FMN1: variants seen among roughly 807,000 people sequenced by gnomAD.
FMN1 encodes formin-1.
A neutral mutation model predicts 132.4 loss-of-function variants in FMN1; 110 were observed. The ratio of observed to expected loss-of-function variants is 0.83; its 90% confidence interval spans 0.71 to 0.97. The LOEUF (loss-of-function observed/expected upper bound fraction) is 0.97. Among genes scored for constraint, FMN1 ranks in the 50% least tolerant of loss-of-function variants. The pLI, the probability that FMN1 is intolerant of heterozygous loss-of-function variation, is 0.00. For synonymous variants in FMN1, 722 were observed against 651.7 expected (o/e 1.11, Z -1.64); for missense variants, 1,792 against 1,705.3 (o/e 1.05, Z -0.90).
At chr15:33,091,001 ATG>A (rs1483962565) in intron 4 of FMN1, among the ~76,000 whole-genome samples, 3 of 152,194 alleles carry the variant, frequency 2.0e-5, no homozygotes, top group Non-Finnish European at 4.4e-5. Context: ...ATCTTCCAAG[ATG>A]TTTTGGTTAC....
intron 6 of FMN1, among the ~76,000 whole-genome samples, chr15:33,019,554 C>T (rs1351360917): frequency 2.6e-5 from 4 of 152,168 alleles, no homozygotes; most frequent in African/African-American, 9.7e-5. Context: ...CGGGGAGGCT[C>T]TGGCAGCGCA....
chr15:33,166,011 GATTTTAT>G (rs1363634115), intron 3 of FMN1, among the ~76,000 whole-genome samples: 17 of 152,094 alleles, frequency 1.1e-4, no homozygotes, highest in African/African-American at 3.9e-4. Flanking sequence ...TGTGTGTTTC[GATTTTAT>G]AAAATACTGG....
At chr15:33,061,607 A>G (rs1224836386) in intron 6 of FMN1, among the ~76,000 whole-genome samples, 5 of 151,842 alleles carry the variant, frequency 3.3e-5, no homozygotes, top group Non-Finnish European at 7.4e-5. Flanking sequence ...GTTTTTCTAG[A>G]AGAATGAATA....
chr15:33,154,788 A>G lies in FMN1; in HGVS notation c.127T>C (p.Ser43Pro). The G allele has an allele frequency of 5.2e-6, 8 of 1,536,052 alleles. No individual in the cohort carries two copies. The highest frequency in any genetic ancestry group is 7.0e-6 in the Non-Finnish European group (8 of 1,146,902). The change falls in exon 4 of 21, where the codon TCC becomes CCC. Residue 43 changes from serine (S) to proline (P), a missense_variant. Ser to Pro is a moderately conservative substitution (Grantham distance 74). This residue lies in a region of FMN1 where 638 missense variants were observed against 645.2 expected (regional missense o/e 0.99). Transcript: ENST00000616417. ...SYKGTVTLDR[S>P]NKGFHNCYQV... ...TAGCAGTTATGAAAACCTTTATTGGATCTGTCTAGAGTTACAGTGCCCTTG... is the reference window on the plus strand; with the variant it reads ...TAGCAGTTATGAAAACCTTTATTGGGTCTGTCTAGAGTTACAGTGCCCTTG...
chr15:32,801,153 T>A (rs1260847986), intron 18 of FMN1, among the ~76,000 whole-genome samples: 1 of 151,982 alleles, frequency 6.6e-6, no homozygotes. Context: ...ATGTCAAGAG[T>A]GATTTGGTGG....
intron 19 of FMN1, among the ~76,000 whole-genome samples, chr15:32,792,455 AAAAC>A (rs1348815732): frequency 2.6e-5 from 3 of 116,592 alleles, no homozygotes; most frequent in Non-Finnish European, 6.0e-5. Context: ...AAAACAAAAT[AAAAC>A]AAACAAACAA....
chr15:33,152,646 T>G (rs1307814900), intron 4 of FMN1, among the ~76,000 whole-genome samples: 4 of 152,040 alleles, frequency 2.6e-5, no homozygotes, highest in African/African-American at 9.7e-5. Flanking sequence ...TCCAGCAGCA[T>G]GAATGGCAGA....
At chr15:32,955,874 T>A (rs930500173) in intron 9 of FMN1, among the ~76,000 whole-genome samples, 8 of 152,134 alleles carry the variant, frequency 5.3e-5, no homozygotes, top group Non-Finnish European at 1.0e-4. Flanking sequence ...AATTCCAGAA[T>A]CAGTCCCAAA....
At chr15:33,013,342 G>A (rs544535651) in intron 6 of FMN1, among the ~76,000 whole-genome samples, 1 of 152,302 alleles carries the variant, frequency 6.6e-6, no homozygotes, top group African/African-American at 2.4e-5. Context: ...TGGTTTGTCT[G>A]CACCCATGCT....
At chr15:32,916,899 A>G (rs2060697883) in intron 10 of FMN1, among the ~76,000 whole-genome samples, 1 of 152,184 alleles carries the variant, frequency 6.6e-6, no homozygotes, top group South Asian at 2.1e-4. Flanking sequence ...GAGCAGGGAA[A>G]GAAATATAGA....
chr15:33,066,247 T>C (rs1205963287), intron 5 of FMN1, among the ~76,000 whole-genome samples: 1 of 152,224 alleles, frequency 6.6e-6, no homozygotes, highest in Admixed American at 6.5e-5. Flanking sequence ...CATCAACGTT[T>C]AAATTCACGG....
chr15:32,879,116 T>C (rs2059703252), intron 16 of FMN1, among the ~76,000 whole-genome samples: 1 of 152,234 alleles, frequency 6.6e-6, no homozygotes, highest in African/African-American at 2.4e-5. Context: ...AATTGAATGC[T>C]TTGCATCAAA....
intron 8 of FMN1, among the ~76,000 whole-genome samples, chr15:32,966,228 C>T (rs1435698341): frequency 2.0e-5 from 3 of 152,132 alleles, no homozygotes; most frequent in Non-Finnish European, 2.9e-5. Flanking sequence ...TTATAATTCA[C>T]TTATATTCTG....
chr15:33,145,547 C>T lies in FMN1; in HGVS notation c.1867+7501G>A, dbSNP rs999346745. ...TCCAGGCATGAATCCATGGGGCTGG[C>T]GCAACAGAAAATCTGGAGAACATAC... On this transcript the variant is annotated intron_variant, in intron 4 of 20. Transcript: ENST00000616417. Among the ~76,000 whole-genome samples, 8 of 151,602 alleles carry T rather than the reference C, an allele frequency of 5.3e-5. No homozygotes were observed. The South Asian group carries it at 1.0e-3, about 20-fold the overall frequency.
intron 17 of FMN1, among the ~76,000 whole-genome samples, chr15:32,851,659 A>G (rs7164743): frequency 0.076 from 11,530 of 152,302 alleles, 939 homozygotes; most frequent in African/African-American, 0.2. Flanking sequence ...TTCTCAGAAA[A>G]TGAAATTAAG....
intron 12 of FMN1, among the ~76,000 whole-genome samples, chr15:32,906,562 G>C (rs1352067069): frequency 6.6e-6 from 1 of 152,192 alleles, no homozygotes; most frequent in Non-Finnish European, 1.5e-5. Context: ...TCCAGGCTTA[G>C]AGGAGAATAT....
At chr15:33,110,483 C>T (rs923919051) in intron 4 of FMN1, among the ~76,000 whole-genome samples, 9 of 151,380 alleles carry the variant, frequency 5.9e-5, no homozygotes, top group African/African-American at 2.2e-4. Flanking sequence ...CCTTATGAAT[C>T]TTCTATATTT....
chr15:33,067,987 C>A, intron 5 of FMN1: 8 of 1,478,504 alleles, frequency 5.4e-6, no homozygotes, highest in Non-Finnish European at 7.1e-6. Flanking sequence ...CAGAGAGCAA[C>A]AGGACCCGGG....
chr15:33,061,225 A>C (rs2037467092), intron 6 of FMN1, among the ~76,000 whole-genome samples: 1 of 152,254 alleles, frequency 6.6e-6, no homozygotes, highest in Non-Finnish European at 1.5e-5. Flanking sequence ...AGGTCAGTCC[A>C]AATGTGTCCT....
Sources: gnomAD v4.1 joint callset for allele counts (sites outside exome capture counted in the v4.1 genomes callset) on GRCh38, gnomAD v4.1.1 for gene constraint, gnomAD v4.1.1 regional missense constraint, MANE v1.5 for transcripts, NCBI Gene and HGNC (gene_info 2026-07-23, HGNC 2026-07-21) for gene names.